SLC27A6: variants seen among roughly 807,000 people sequenced by gnomAD.
SLC27A6 encodes the protein long-chain fatty acid transport protein 6.
In SLC27A6, 74 loss-of-function variants were observed where a neutral mutation model predicts 63.9. The observed-to-expected ratio is 1.16, with a 90% confidence interval of 0.96 to 1.40. The LOEUF is 1.40. Ranked by LOEUF, SLC27A6 falls within the 40% of genes most tolerant of loss-of-function variation. The pLI, the probability that SLC27A6 is intolerant of heterozygous loss-of-function variation, is 0.00. For missense variants in SLC27A6, 794 were observed against 732.9 expected (o/e 1.08, Z -0.96); for synonymous variants, 287 against 260.8 (o/e 1.10, Z -0.97).
At chr5:129,019,486 G>A (rs1752008246) in intron 5 of SLC27A6, among the ~76,000 whole-genome samples, 1 of 151,462 alleles carries the variant, frequency 6.6e-6, no homozygotes, top group African/African-American at 2.4e-5. Context: ...AAAAAAAAAT[G>A]AATGCACATC....
intron 6 of SLC27A6, among the ~76,000 whole-genome samples, chr5:129,026,329 G>T (rs897387920): frequency 6.6e-6 from 1 of 152,110 alleles, no homozygotes; most frequent in Admixed American, 6.5e-5. Flanking sequence ...TTACCTTGCA[G>T]ATTGCTGAGA....
chr5:129,003,422 A>C (rs1751410328), intron 4 of SLC27A6, among the ~76,000 whole-genome samples: 2 of 152,180 alleles, frequency 1.3e-5, no homozygotes, highest in African/African-American at 4.8e-5. Flanking sequence ...CATTTATGCA[A>C]ATGAAAGACT....
At chr5:128,994,471 C>T (rs1236343786) in intron 4 of SLC27A6, among the ~76,000 whole-genome samples, 4 of 152,106 alleles carry the variant, frequency 2.6e-5, no homozygotes, top group Non-Finnish European at 4.4e-5. Context: ...GGAGATCTTA[C>T]ATTTTTGCTG....
At chr5:128,970,457 A>T (rs1390064857) in intron 1 of SLC27A6, among the ~76,000 whole-genome samples, 5 of 152,086 alleles carry the variant, frequency 3.3e-5, no homozygotes, top group Non-Finnish European at 5.9e-5. Flanking sequence ...GTCTATTCAG[A>T]GATTCAACTT....
chr5:128,994,511 GA>G (rs1476807305), intron 4 of SLC27A6, among the ~76,000 whole-genome samples: 1 of 152,134 alleles, frequency 6.6e-6, no homozygotes, highest in Non-Finnish European at 1.5e-5. Flanking sequence ...ACATTCCCTT[GA>G]AATGAAGGGG....
chr5:129,019,702 C>A (rs1468140914), intron 5 of SLC27A6, among the ~76,000 whole-genome samples: 3 of 151,658 alleles, frequency 2.0e-5, no homozygotes, highest in Admixed American at 2.0e-4. Flanking sequence ...AAATATTACA[C>A]AAATGAGCAT....
rs1750928107 is a variant in SLC27A6, at chr5:128,990,132, C to G, written c.845-208C>G. Among the ~76,000 whole-genome samples, 5 of 152,182 alleles carry G rather than the reference C, an allele frequency of 3.3e-5. No individual in the cohort carries two copies. In the South Asian group the frequency reaches 1.0e-3, roughly 32 times the overall value. ...GTATTGCAAAAAGCATATTTTCAGTCAAAATTTAGAATTACAATATTTTAA... is the reference window on the plus strand; with the variant it reads ...GTATTGCAAAAAGCATATTTTCAGTGAAAATTTAGAATTACAATATTTTAA... On this transcript the variant is annotated intron_variant, in intron 3 of 9. Transcript: ENST00000262462.
At chr5:128,966,742 T>G in intron 1 of SLC27A6, 124 bp downstream of exon 1, 1 of 974,656 alleles carries the variant, frequency 1.0e-6, no homozygotes, top group Non-Finnish European at 1.4e-6. Flanking sequence ...ATGTTAAGAG[T>G]ACAAAATAGT....
chr5:128,997,181 T>A lies in SLC27A6; in HGVS notation c.969+6717T>A, dbSNP rs555698239. 2.0e-5 allele frequency among the ~76,000 whole-genome samples: 3 copies of A among 152,198 alleles called. No homozygotes were observed. In the South Asian group the frequency reaches 6.2e-4, roughly 32 times the overall value. ...TAGCATTTTAAAATTAATGTAAACTTTAATTGTTATCAAGATATTCTGATA... is the reference window on the plus strand; with the variant it reads ...TAGCATTTTAAAATTAATGTAAACTATAATTGTTATCAAGATATTCTGATA... On this transcript the variant is annotated intron_variant, in intron 4 of 9. Coordinates refer to ENST00000262462, the MANE Select transcript of SLC27A6 (RefSeq NM_001017372.3).
intron 4 of SLC27A6, among the ~76,000 whole-genome samples, chr5:129,005,998 AC>A (rs1375346868): frequency 6.7e-6 from 1 of 149,476 alleles, no homozygotes; most frequent in African/African-American, 2.5e-5. Flanking sequence ...GTTTGCCAAT[AC>A]CTAATTTAGA....
chr5:129,021,002 G>C (rs980753362), intron 5 of SLC27A6, among the ~76,000 whole-genome samples: 4 of 151,698 alleles, frequency 2.6e-5, no homozygotes, highest in African/African-American at 9.7e-5. Flanking sequence ...GCTCATAGGA[G>C]GCTTGATGTC....
chr5:129,021,573 C>A (rs1370117617), intron 5 of SLC27A6, among the ~76,000 whole-genome samples: 2 of 152,158 alleles, frequency 1.3e-5, no homozygotes, highest in African/African-American at 4.8e-5. Context: ...TTGAATGGGA[C>A]CCCCTGCAGC....
At chr5:128,966,666 C>T in intron 1 of SLC27A6, 48 bp downstream of exon 1, 1 of 1,401,420 alleles carries the variant, frequency 7.1e-7, no homozygotes, top group Non-Finnish European at 9.2e-7. Flanking sequence ...AGCCCACCTG[C>T]TTTCATACCC....
chr5:129,028,512 A>G (rs1009213182), intron 8 of SLC27A6, 70 bp downstream of exon 8: 10 of 898,280 alleles, frequency 1.1e-5, no homozygotes, highest in Non-Finnish European at 1.6e-5. Context: ...GTTTTGCAAC[A>G]GTCTTGCTAA....
intron 6 of SLC27A6, 146 bp from the exon 7 acceptor site, chr5:129,026,987 A>G (rs1430510848): frequency 1.6e-6 from 1 of 643,446 alleles, no homozygotes; most frequent in African/African-American, 1.8e-5. Flanking sequence ...ACCAAGGGTA[A>G]ATGATGTCAA....
chr5:128,994,120 T>C (rs963662681), intron 4 of SLC27A6, among the ~76,000 whole-genome samples: 4 of 152,056 alleles, frequency 2.6e-5, no homozygotes, highest in South Asian at 2.1e-4. Context: ...TGAGCCGAGA[T>C]TGTGCCACTG....
intron 4 of SLC27A6, among the ~76,000 whole-genome samples, chr5:129,001,893 G>A (rs1221130212): frequency 6.6e-6 from 1 of 152,136 alleles, no homozygotes; most frequent in South Asian, 2.1e-4. Flanking sequence ...TGAGTATTTC[G>A]GGAAATGAAT....
intron 4 of SLC27A6, among the ~76,000 whole-genome samples, chr5:128,994,942 C>T (rs1306548135): frequency 6.6e-6 from 1 of 152,190 alleles, no homozygotes; most frequent in Non-Finnish European, 1.5e-5. Context: ...GTTAGATGTA[C>T]TTCTTTAAAA....
intron 4 of SLC27A6, among the ~76,000 whole-genome samples, chr5:129,008,865 A>AT (rs777633985): frequency 0.055 from 6,749 of 122,824 alleles, 374 homozygotes; most frequent in African/African-American, 0.13. Context: ...TTTTCAATTG[A>AT]TTTTTTTTTT....
Sources: gnomAD v4.1 joint callset for allele counts (sites outside exome capture counted in the v4.1 genomes callset) on GRCh38, gnomAD v4.1.1 for gene constraint, MANE v1.5 for transcripts, NCBI Gene and HGNC (gene_info 2026-07-23, HGNC 2026-07-21) for gene names.